The following SLC22A24 variants were observed in gnomAD, a reference collection of about 807,000 sequenced individuals.
SLC22A24 encodes the protein solute carrier family 22 member 24.
SLC22A24 carries 53 observed loss-of-function variants against 49.8 expected under a neutral mutation model. The observed-to-expected ratio is 1.06, with a 90% CI of 0.85 to 1.34. The LOEUF (loss-of-function observed/expected upper bound fraction) is 1.34. Ranked by LOEUF, SLC22A24 falls within the 40% of genes most tolerant of loss-of-function variation. SLC22A24 has a pLI of 0.00. For missense variants in SLC22A24, 786 were observed against 675.9 expected, an observed-to-expected ratio of 1.16 and a Z score of -1.81; for synonymous variants, 302 against 256.4, an observed-to-expected ratio of 1.18 and a Z score of -1.70.
At chr11:63,084,434 G>A (rs2086976289) in intron 6 of SLC22A24, among the ~76,000 whole-genome samples, 1 of 152,108 alleles carries the variant, frequency 6.6e-6, no homozygotes, top group Admixed American at 6.6e-5. Context: ...AAGAGTGTTG[G>A]GGTGGGGAAG....
At chr11:63,120,536 G>A (rs1044573911) in intron 2 of SLC22A24, among the ~76,000 whole-genome samples, 8 of 152,096 alleles carry the variant, frequency 5.3e-5, no homozygotes, top group Non-Finnish European at 1.2e-4. Flanking sequence ...AGTTTACAGA[G>A]GAGAGGATGA....
At chr11:63,130,483 T>C (rs1322839342) in intron 2 of SLC22A24, among the ~76,000 whole-genome samples, 1 of 152,182 alleles carries the variant, frequency 6.6e-6, no homozygotes, top group Non-Finnish European at 1.5e-5. Context: ...ATGATGCTGG[T>C]CTCATAAAAT....
intron 4 of SLC22A24, among the ~76,000 whole-genome samples, chr11:63,114,420 C>T (rs7102504): frequency 0.71 from 108,191 of 152,034 alleles, 40,099 homozygotes; most frequent in East Asian, 0.9. Context: ...TCCATCAGGT[C>T]ACTTAAGGTC....
intron 2 of SLC22A24, among the ~76,000 whole-genome samples, chr11:63,129,289 C>A (rs371104659): frequency 2.0e-5 from 3 of 152,034 alleles, no homozygotes; most frequent in Admixed American, 2.0e-4. Context: ...TGGTCATAGA[C>A]GTGTGGTGTT....
At chr11:63,120,551 A>G (rs2087244479) in intron 2 of SLC22A24, among the ~76,000 whole-genome samples, 1 of 152,246 alleles carries the variant, frequency 6.6e-6, no homozygotes, top group East Asian at 1.9e-4. Flanking sequence ...GGATGAGGTA[A>G]GGCAGAGAAT....
chr11:63,089,092 C>T (rs6591735), intron 6 of SLC22A24, among the ~76,000 whole-genome samples: 80,863 of 151,836 alleles, frequency 0.53, 21,579 homozygotes, highest in African/African-American at 0.55. Context: ...AGATACTCCT[C>T]AAGAAGAGCA....
intron 6 of SLC22A24, among the ~76,000 whole-genome samples, chr11:63,090,298 G>A (rs2087012412): frequency 6.6e-6 from 1 of 151,862 alleles, no homozygotes; most frequent in Admixed American, 6.6e-5. Context: ...ATTAGACAGA[G>A]CAACAAGACA....
intron 2 of SLC22A24, among the ~76,000 whole-genome samples, chr11:63,133,617 C>A (rs1447490192): frequency 6.6e-6 from 1 of 151,960 alleles, no homozygotes; most frequent in African/African-American, 2.4e-5. Flanking sequence ...CATCCTCAAG[C>A]AAAGTCATCC....
At chr11:63,131,139 C>T (rs181946367) in intron 2 of SLC22A24, among the ~76,000 whole-genome samples, 116 of 152,072 alleles carry the variant, frequency 7.6e-4, no homozygotes, top group Middle Eastern at 3.4e-3. Flanking sequence ...AGATCTTCCT[C>T]CCTCCCTGTA....
chr11:63,081,466 G>A (rs1218220459), intron 8 of SLC22A24, 92 bp downstream of exon 8: 19 of 856,090 alleles, frequency 2.2e-5, no homozygotes, highest in African/African-American at 3.4e-5. Context: ...AATTCATCTG[G>A]CACCTAAACA....
intron 1 of SLC22A24, among the ~76,000 whole-genome samples, chr11:63,138,446 T>C (rs2087390819): frequency 6.6e-6 from 1 of 151,874 alleles, no homozygotes; most frequent in African/African-American, 2.4e-5. Context: ...ATCAAGACCA[T>C]CCTGGCTAAC....
intron 1 of SLC22A24, among the ~76,000 whole-genome samples, chr11:63,140,085 T>TG: frequency 4.9e-5 from 3 of 61,664 alleles, no homozygotes; most frequent in Non-Finnish European, 8.3e-5. Context: ...GTTTTTTTTT[T>TG]TTGTTTTTTT....
At chr11:63,119,942 T>C (rs990487142) in intron 2 of SLC22A24, among the ~76,000 whole-genome samples, 1 of 151,464 alleles carries the variant, frequency 6.6e-6, no homozygotes, top group South Asian at 2.1e-4. Flanking sequence ...TCTGTTCATG[T>C]CCTTCGCCCA....
chr11:63,111,461 TG>T (rs1276637977), intron 4 of SLC22A24, among the ~76,000 whole-genome samples: 1 of 152,050 alleles, frequency 6.6e-6, no homozygotes, highest in East Asian at 1.9e-4. Context: ...AGAATTCGGC[TG>T]TGAATCCATC....
chr11:63,095,541 T>C (rs2087048679), intron 6 of SLC22A24, among the ~76,000 whole-genome samples: 1 of 152,142 alleles, frequency 6.6e-6, no homozygotes, highest in Non-Finnish European at 1.5e-5. Flanking sequence ...TTGGTGGTTT[T>C]GGAGAAGTAT....
chr11:63,141,810 G>A (rs193185010), intron 1 of SLC22A24, among the ~76,000 whole-genome samples: 6 of 152,250 alleles, frequency 3.9e-5, no homozygotes, highest in Non-Finnish European at 8.8e-5. Context: ...AAATAATCAG[G>A]CCAAGTACAG....
At chr11:63,097,845 C>T (rs2134646502) in intron 5 of SLC22A24, among the ~76,000 whole-genome samples, 2 of 152,190 alleles carry the variant, frequency 1.3e-5, no homozygotes, top group South Asian at 4.1e-4. Flanking sequence ...CATGAGTTTT[C>T]ACTCATAAGT....
intron 5 of SLC22A24, among the ~76,000 whole-genome samples, chr11:63,096,982 G>C (rs1055662502): frequency 1.3e-5 from 2 of 152,024 alleles, no homozygotes; most frequent in Admixed American, 1.3e-4. Context: ...ATTTAGCACA[G>C]GAGTAGAAAC....
chr11:63,095,279 T>G (rs535218238), intron 6 of SLC22A24, among the ~76,000 whole-genome samples: 8 of 152,198 alleles, frequency 5.3e-5, no homozygotes, highest in Non-Finnish European at 1.0e-4. Context: ...ACATGTGCCT[T>G]AAACCCAGGA....
Sources: gnomAD v4.1 joint callset for allele counts (sites outside exome capture counted in the v4.1 genomes callset) on GRCh38, gnomAD v4.1.1 for gene constraint, MANE v1.5 for transcripts, NCBI Gene and HGNC (gene_info 2026-07-23, HGNC 2026-07-21) for gene names.